Variants in TENM4 observed in about 807,000 individuals in gnomAD.
The protein encoded by TENM4 is teneurin-4.
TENM4 carries 82 observed loss-of-function variants against 243.3 expected under a neutral mutation model. That is an observed-to-expected ratio of 0.34 (90% confidence interval 0.28 to 0.40). TENM4 has a LOEUF of 0.40. Ranked by LOEUF, TENM4 falls within the 10% of genes least tolerant of loss-of-function variation. The pLI, the probability that TENM4 is intolerant of heterozygous loss-of-function variation, is 1.00. For missense variants in TENM4, 3,138 were observed against 3,673.3 expected, an observed-to-expected ratio of 0.85 and a Z score of 3.77; for synonymous variants, 1,412 against 1,456.3, an observed-to-expected ratio of 0.97 and a Z score of 0.69.
chr11:78,893,332 T>C (rs2136301548), intron 7 of TENM4, among the ~76,000 whole-genome samples: 1 of 152,362 alleles, frequency 6.6e-6, no homozygotes, highest in South Asian at 2.1e-4. Context: ...CATCATTCAC[T>C]GGCCCTGGGC....
chr11:79,248,172 C>T (rs570077664), intron 2 of TENM4, among the ~76,000 whole-genome samples: 2 of 152,250 alleles, frequency 1.3e-5, no homozygotes, highest in African/African-American at 4.8e-5. Context: ...GAAGAGACTG[C>T]GACTACCTTC....
At chr11:79,342,747 G>A (rs545978649) in intron 1 of TENM4, among the ~76,000 whole-genome samples, 2 of 152,292 alleles carry the variant, frequency 1.3e-5, no homozygotes, top group East Asian at 1.9e-4. Context: ...AGGTGAGGCT[G>A]AGAAATTCTG....
intron 28 of TENM4, among the ~76,000 whole-genome samples, chr11:78,698,262 C>T (rs1411662676): frequency 2.0e-5 from 3 of 151,936 alleles, no homozygotes; most frequent in East Asian, 1.9e-4. Flanking sequence ...ATTAGCCGGG[C>T]GTCGTGGCAG....
At chr11:79,022,461 C>A (rs1858956545) in intron 6 of TENM4, among the ~76,000 whole-genome samples, 1 of 152,096 alleles carries the variant, frequency 6.6e-6, no homozygotes, top group Non-Finnish European at 1.5e-5. Flanking sequence ...TAAAGGCAAA[C>A]AAGATAATGA....
At chr11:79,202,624 C>G (rs972616233) in intron 3 of TENM4, among the ~76,000 whole-genome samples, 4 of 152,146 alleles carry the variant, frequency 2.6e-5, no homozygotes, top group East Asian at 3.9e-4. Context: ...TTGTAAGAAC[C>G]TGCCAGGTTG....
intron 6 of TENM4, among the ~76,000 whole-genome samples, chr11:79,037,193 G>A (rs1444385437): frequency 6.6e-6 from 1 of 152,210 alleles, no homozygotes; most frequent in Non-Finnish European, 1.5e-5. Flanking sequence ...TGGGCCAGCT[G>A]CCTGCTCCTC....
chr11:79,270,224 G>T (rs1435660633), intron 2 of TENM4, among the ~76,000 whole-genome samples: 1 of 152,124 alleles, frequency 6.6e-6, no homozygotes, highest in Non-Finnish European at 1.5e-5. Flanking sequence ...GCCAGTTTGG[G>T]TTGTTAACAA....
intron 1 of TENM4, among the ~76,000 whole-genome samples, chr11:79,369,613 G>A (rs1857743878): frequency 6.6e-6 from 1 of 152,186 alleles, no homozygotes; most frequent in South Asian, 2.1e-4. Flanking sequence ...CACAGGCTAA[G>A]AGAGAGGACA....
intron 6 of TENM4, among the ~76,000 whole-genome samples, chr11:79,006,823 A>C (rs1858496463): frequency 6.6e-6 from 1 of 152,272 alleles, no homozygotes; most frequent in Non-Finnish European, 1.5e-5. Context: ...TTTATGTGTC[A>C]ACTTGGCTGG....
intron 4 of TENM4, among the ~76,000 whole-genome samples, chr11:79,136,989 T>A (rs1862122552): frequency 6.6e-6 from 1 of 152,072 alleles, no homozygotes; most frequent in African/African-American, 2.4e-5. Flanking sequence ...CAGCATCCAA[T>A]CTATGGCACT....
chr11:78,793,277 C>T (rs979503813), intron 15 of TENM4, among the ~76,000 whole-genome samples: 7 of 152,106 alleles, frequency 4.6e-5, no homozygotes, highest in Non-Finnish European at 1.0e-4. Context: ...GAAGGGCCCC[C>T]GCCCAAAGAT....
chr11:78,822,733 T>A (rs78995981), intron 12 of TENM4, among the ~76,000 whole-genome samples: 6 of 146,330 alleles, frequency 4.1e-5, no homozygotes, highest in African/African-American at 1.4e-4. Context: ...TAAGATAAAA[T>A]TTTTTTTTTA....
chr11:79,305,947 C>G (rs545190987), intron 1 of TENM4, among the ~76,000 whole-genome samples: 1 of 152,226 alleles, frequency 6.6e-6, no homozygotes, highest in South Asian at 2.1e-4. Flanking sequence ...CAGAGCCGAC[C>G]TGTGGAGGGT....
intron 1 of TENM4, among the ~76,000 whole-genome samples, chr11:79,342,584 G>A (rs911656385): frequency 1.6e-4 from 25 of 152,150 alleles, no homozygotes; most frequent in African/African-American, 6.0e-4. Flanking sequence ...TCTAGGCAGG[G>A]GTTCTCAGTC....
chr11:79,022,360 C>T (rs558219311), intron 6 of TENM4, among the ~76,000 whole-genome samples: 70 of 152,326 alleles, frequency 4.6e-4, no homozygotes, highest in Non-Finnish European at 7.9e-4. Flanking sequence ...TTCTCTACAG[C>T]TGTTCATCCA....
At chr11:78,980,741 G>A (rs1216848057) in intron 6 of TENM4, among the ~76,000 whole-genome samples, 1 of 152,158 alleles carries the variant, frequency 6.6e-6, no homozygotes. Flanking sequence ...ATAGAAAAGG[G>A]ATAATAGTAC....
intron 6 of TENM4, among the ~76,000 whole-genome samples, chr11:79,011,947 C>A (rs1858653151): frequency 6.6e-6 from 1 of 152,162 alleles, no homozygotes; most frequent in Non-Finnish European, 1.5e-5. Context: ...CCCCTTTTCC[C>A]TGGATGTAGC....
At chr11:79,352,144 G>A (rs1247235093) in intron 1 of TENM4, among the ~76,000 whole-genome samples, 1 of 152,190 alleles carries the variant, frequency 6.6e-6, no homozygotes, top group African/African-American at 2.4e-5. Context: ...CTGGAGTCTT[G>A]TTCCTGAATA....
intron 6 of TENM4, among the ~76,000 whole-genome samples, chr11:79,044,097 C>A (rs1326637871): frequency 1.3e-5 from 2 of 152,186 alleles, no homozygotes; most frequent in African/African-American, 4.8e-5. Flanking sequence ...TCTAACAGCT[C>A]TCCCAACCCC....
Sources: allele counts gnomAD v4.1 joint callset (sites outside exome capture counted in the v4.1 genomes callset), GRCh38; gene constraint gnomAD v4.1.1; transcripts MANE v1.5; gene names NCBI Gene and HGNC (gene_info 2026-07-23, HGNC 2026-07-21).